The following TTC21A variants were observed in gnomAD, a reference collection of about 807,000 sequenced individuals.
The protein encoded by TTC21A is tetratricopeptide repeat protein 21A.
TTC21A carries 128 observed loss-of-function variants against 156.4 expected under a neutral mutation model. The observed-to-expected ratio is 0.82, with a 90% CI of 0.71 to 0.95. The LOEUF (loss-of-function observed/expected upper bound fraction) is 0.95, where lower values mean the gene tolerates loss of function less well. Ranked by LOEUF, TTC21A falls within the 40% of genes least tolerant of loss-of-function variation. The pLI, the probability that TTC21A is intolerant of heterozygous loss-of-function variation, is 0.00. For missense variants in TTC21A, 1,435 were observed against 1,602.3 expected, an observed-to-expected ratio of 0.90 and a Z score of 1.78; for synonymous variants, 587 against 617.1, an observed-to-expected ratio of 0.95 and a Z score of 0.72.
chr3:39,138,438 C>T, intron 27 of TTC21A, 51 bp downstream of exon 27: 3 of 1,613,176 alleles, frequency 1.9e-6, no homozygotes, highest in Non-Finnish European at 1.7e-6. Flanking sequence ...GGGAGGTGGG[C>T]AGGAGGGCCC....
chr3:39,125,248 G>C, intron 10 of TTC21A, 84 bp from the exon 11 acceptor site: 3 of 1,541,752 alleles, frequency 1.9e-6, no homozygotes, highest in Non-Finnish European at 2.7e-6. Context: ...AGCATGCAAG[G>C]TGGTCTGGAC....
intron 6 of TTC21A, among the ~76,000 whole-genome samples, chr3:39,116,105 TGTTTGTG>T (rs2037267861): frequency 6.6e-6 from 1 of 152,196 alleles, no homozygotes; most frequent in Non-Finnish European, 1.5e-5. Context: ...CATATGTGGA[TGTTTGTG>T]GCCTCCCTGG....
At chr3:39,132,148 G>C in intron 19 of TTC21A, among the ~76,000 whole-genome samples, 1 of 152,100 alleles carries the variant, frequency 6.6e-6, no homozygotes, top group East Asian at 1.9e-4. Flanking sequence ...TAGCATCATG[G>C]TAAGTATTTG....
At chr3:39,114,473 A>G (rs1460914763) in intron 5 of TTC21A, 112 bp from the exon 6 acceptor site, 22 of 1,041,478 alleles carry the variant, frequency 2.1e-5, no homozygotes, top group African/African-American at 4.7e-5. Flanking sequence ...CACGGTGCCC[A>G]TGTGTCAGGT....
chr3:39,125,488 C>T lies in TTC21A; in HGVS notation c.1348C>T (p.Leu450=). The stretch of plus-strand genomic sequence containing the variant: ...CTTTGAAAAGCTGGACCCGTACTTC[C>T]TGGTCTGCATTGCTAAGGAGTACTT... ...EYFEKLDPYF[L]VCIAKEYLLF... Residue 450 remains leucine, a synonymous_variant, in exon 11 of 29, where the codon CTG becomes TTG. Transcript: ENST00000683103. 6.2e-7 allele frequency: 1 copy of T among 1,614,140 alleles called. No individual in the cohort carries two copies. The highest frequency in any genetic ancestry group is 8.5e-7 in the Non-Finnish European group (1 of 1,179,974).
Position 39,130,664 on chromosome 3 carries a change from A to G in TTC21A, c.2320-37A>G, listed in dbSNP as rs1250116303. On this transcript the variant is annotated intron_variant, in intron 17 of 28. Transcript: ENST00000683103. The surrounding 1 kb of genome is among the most constrained non-coding windows in gnomAD (Gnocchi z 4.5). ...ATGGTGTCGGGCACTGAAGGGCAGA[A>G]CCAGGCCAGAGGCTAATATTTACTG... The G allele has an allele frequency of 1.2e-6, 2 of 1,610,326 alleles. No homozygotes were observed. The highest frequency in any genetic ancestry group is 1.7e-6 in the Non-Finnish European group (2 of 1,177,250).
chr3:39,117,434 A>G (rs1217230844), intron 6 of TTC21A, among the ~76,000 whole-genome samples: 2 of 152,242 alleles, frequency 1.3e-5, no homozygotes, highest in Non-Finnish European at 2.9e-5. Context: ...AAAACCTCAT[A>G]GTATGGTCAG....
In TTC21A at chr3:39,128,380, C is replaced by A. The variant is rs375198783; in HGVS notation, c.1572C>A (p.Asp524Glu). Residue 524 changes from aspartate to glutamate, a missense_variant, in exon 13 of 29, where the codon GAC (aspartate) becomes GAA (glutamate). Coordinates refer to ENST00000683103, the MANE Select transcript of TTC21A (RefSeq NM_001366900.1). ...TCCTGCAGCGTTGCCTGGAGCTGGACCCCGCCTCCGTGGATGCCCATCTCC... is the reference window on the plus strand; with the variant it reads ...TCCTGCAGCGTTGCCTGGAGCTGGAACCCGCCTCCGTGGATGCCCATCTCC... ...QSILQRCLEL[D>E]PASVDAHLLM... 2.5e-6 allele frequency: 4 copies of A among 1,614,178 alleles called. No homozygotes were observed. Among genetic ancestry groups the A allele is most frequent in the Non-Finnish European group, 3.4e-6 (4 of 1,180,036 alleles).
intron 1 of TTC21A, 27 bp downstream of exon 1, chr3:39,107,891 G>C: frequency 1.9e-6 from 3 of 1,610,918 alleles, no homozygotes; most frequent in Non-Finnish European, 2.5e-6. Flanking sequence ...CTGTCCGAGG[G>C]CTCCCTCGTG....
Position 39,130,902 on chromosome 3 carries a change from A to G in TTC21A, c.2458+63A>G, listed in dbSNP as rs2038679810. ...CAGACATACTCCTCCCCCATTCCCC[A>G]TTAGCTGAAGTCCTGATCCCAGCGC... On this transcript the variant is annotated intron_variant, in intron 18 of 28. Coordinates refer to ENST00000683103, the MANE Select transcript of TTC21A (RefSeq NM_001366900.1). The surrounding 1 kb of genome is among the most constrained non-coding windows in gnomAD (Gnocchi z 4.5). The G allele has an allele frequency of 3.1e-6, 5 of 1,609,990 alleles. No individual in the cohort carries two copies. Among genetic ancestry groups the G allele is most frequent in the Middle Eastern group, 1.6e-4 (1 of 6,064 alleles).
At chr3:39,119,867 G>T in intron 7 of TTC21A, 55 bp from the exon 8 acceptor site, 2 of 1,278,512 alleles carry the variant, frequency 1.6e-6, no homozygotes, top group Non-Finnish European at 2.3e-6. Context: ...GAGAACCACG[G>T]CGCAACTCTG....
chr3:39,110,926 AT>A lies in TTC21A; in HGVS notation c.345del (p.Tyr115Ter), dbSNP rs1281029700. On this transcript the variant is annotated frameshift_variant, in exon 4 of 29. Transcript: ENST00000683103. LOFTEE classifies it high-confidence loss of function. ...ACAGTCAGTGGGACTGCACTGTACT[AT>A]GCTGGCCTTTTCCTCTGGCTCATAG... ...RKTVSGTALY[Y>X]AGLFLWLIGR... is the part of the protein sequence containing the mutation. 1 of 1,614,104 alleles carries A rather than the reference AT, an allele frequency of 6.2e-7. No homozygotes were observed. The highest frequency in any genetic ancestry group is 8.5e-7 in the Non-Finnish European group (1 of 1,180,026).
chr3:39,134,848 A>T lies in TTC21A; in HGVS notation c.2863-245A>T, dbSNP rs2038993251. 1 of 582,862 alleles carries T rather than the reference A, an allele frequency of 1.7e-6. No homozygotes were observed. Among genetic ancestry groups the T allele is most frequent in the Admixed American group, 3.0e-5 (1 of 33,532 alleles). The allele number at this position is 582,862 out of a possible 1,614,324, so 36.1% of individuals were successfully genotyped here. On this transcript the variant is annotated intron_variant, in intron 21 of 28. Transcript: ENST00000683103. This position sits in a 1 kb window ranked among gnomAD's most constrained non-coding sequence, Gnocchi z 4.6. ...TCTCTACCACTAGTCTTACCTTCCCATGTACATCCTCAACCCAACTCTTCT... is the reference window on the plus strand; with the variant it reads ...TCTCTACCACTAGTCTTACCTTCCCTTGTACATCCTCAACCCAACTCTTCT...
At chr3:39,135,002 A>G in intron 21 of TTC21A, 91 bp from the exon 22 acceptor site, 1 of 1,108,802 alleles carries the variant, frequency 9.0e-7, no homozygotes, top group East Asian at 2.4e-5. Flanking sequence ...TTCCCTTCTT[A>G]CCACCATCAC....
intron 15 of TTC21A, among the ~76,000 whole-genome samples, chr3:39,129,555 C>T (rs1322228874): frequency 6.6e-6 from 1 of 152,232 alleles, no homozygotes; most frequent in Admixed American, 6.5e-5. Flanking sequence ...CCTGCTTGCA[C>T]ATGCTAGTGG....
intron 4 of TTC21A, 24 bp downstream of exon 4, chr3:39,111,041 A>G: frequency 1.9e-6 from 3 of 1,580,060 alleles, no homozygotes; most frequent in Non-Finnish European, 2.6e-6. Context: ...CATGGGGACA[A>G]CAGGCGAAGA....
chr3:39,132,198 A>C (rs560153662), intron 19 of TTC21A, among the ~76,000 whole-genome samples: 2 of 152,296 alleles, frequency 1.3e-5, no homozygotes, highest in South Asian at 4.1e-4. Flanking sequence ...TGTACAGTAA[A>C]AATACAGTAT....
At position 39,138,730 on chromosome 3, in the gene TTC21A, A is replaced by C; in HGVS notation, c.3884A>C (p.Asp1295Ala). 6.2e-7 allele frequency: 1 copy of C among 1,614,108 alleles called. No homozygotes were observed. Among genetic ancestry groups the C allele is most frequent in the Non-Finnish European group, 8.5e-7 (1 of 1,179,998 alleles). ...ICNDVLREHP[D>A]YPKIREEILE... ...TTCCAGGTCCTCAGGGAGCACCCCG[A>C]CTACCCCAAGATCAGGGAGGAAATT... The change falls in exon 29 of 29, where the codon GAC becomes GCC. Residue 1295 changes from aspartate (D) to alanine (A), a missense_variant. Coordinates refer to ENST00000683103, the MANE Select transcript of TTC21A (RefSeq NM_001366900.1).
chr3:39,128,609 C>G lies in TTC21A; in HGVS notation c.1681-108C>G. The stretch of plus-strand genomic sequence containing the variant: ...GTAGATCTTTCTGCTCGTCCAAAGG[C>G]AGGGGTAGGCTCAGTGGGCTCCTGA... On this transcript the variant is annotated intron_variant, in intron 13 of 28. Coordinates refer to ENST00000683103, the MANE Select transcript of TTC21A (RefSeq NM_001366900.1). 4.5e-6 allele frequency: 7 copies of G among 1,557,070 alleles called. No individual in the cohort carries two copies. The South Asian group carries it at 8.3e-5, about 18-fold the overall frequency.
Sources: allele counts gnomAD v4.1 joint callset (sites outside exome capture counted in the v4.1 genomes callset), GRCh38; gene constraint gnomAD v4.1.1; non-coding constraint Gnocchi (gnomAD v3.1); transcripts MANE v1.5; gene names NCBI Gene and HGNC (gene_info 2026-07-23, HGNC 2026-07-21).